NETO2: variants seen among roughly 807,000 people sequenced by gnomAD.
NETO2 encodes the protein neuropilin and tolloid-like protein 2.
Under a neutral mutation model 62.5 loss-of-function variants are expected in NETO2, and 28 were observed. The observed-to-expected ratio is 0.45, with a 90% CI of 0.33 to 0.61. The LOEUF is 0.61. Among genes scored for constraint, NETO2 ranks in the 20% least tolerant of loss-of-function variants. The probability of loss-of-function intolerance (pLI) is 0.02; values close to 1 mark genes in which losing one functional copy is unlikely to be tolerated. For synonymous variants in NETO2, 214 were observed against 219.1 expected (o/e 0.98, Z 0.21); for missense variants, 548 against 643.2 (o/e 0.85, Z 1.60).
chr16:47,120,214 CTT>C (rs904751037), intron 6 of NETO2, among the ~76,000 whole-genome samples: 2 of 151,984 alleles, frequency 1.3e-5, no homozygotes, highest in African/African-American at 4.8e-5. Context: ...TACATCAGCT[CTT>C]TTTTGACATT....
intron 7 of NETO2, among the ~76,000 whole-genome samples, chr16:47,088,894 T>C (rs1414200120): frequency 1.3e-5 from 2 of 152,226 alleles, no homozygotes; most frequent in South Asian, 2.1e-4. Context: ...ATTAGGTACC[T>C]AGATAACTCC....
chr16:47,129,120 A>ATT, intron 3 of NETO2, 104 bp downstream of exon 3: 1 of 1,021,562 alleles, frequency 9.8e-7, no homozygotes. Flanking sequence ...ATTCAAATAC[A>ATT]TGTTTAAATT....
intron 6 of NETO2, among the ~76,000 whole-genome samples, chr16:47,111,691 TGG>T (rs1380815977): frequency 6.6e-6 from 1 of 152,186 alleles, no homozygotes; most frequent in African/African-American, 2.4e-5. Context: ...TCATAGGAAG[TGG>T]GACTGGGTAG....
intron 7 of NETO2, among the ~76,000 whole-genome samples, chr16:47,094,403 T>TTTTATTTATTTA (rs201234690): frequency 4.4e-4 from 67 of 151,434 alleles, no homozygotes; most frequent in African/African-American, 6.3e-4. Context: ...GGAAGGTTTG[T>TTTTATTTATTTA]TTTATTTATT....
chr16:47,090,566 A>C (rs2143818010), intron 7 of NETO2, among the ~76,000 whole-genome samples: 1 of 152,304 alleles, frequency 6.6e-6, no homozygotes, highest in African/African-American at 2.4e-5. Context: ...TGGTGTGGAA[A>C]GGAAGGGGAG....
At chr16:47,099,831 A>G (rs937464363) in intron 7 of NETO2, among the ~76,000 whole-genome samples, 1 of 152,228 alleles carries the variant, frequency 6.6e-6, no homozygotes, top group East Asian at 1.9e-4. Flanking sequence ...AGACCTACAA[A>G]GAGACTTAAG....
chr16:47,133,539 A>G (rs1017103450), intron 1 of NETO2, among the ~76,000 whole-genome samples: 2 of 152,000 alleles, frequency 1.3e-5, no homozygotes, highest in African/African-American at 2.4e-5. Context: ...TGCCTGGGCG[A>G]AAGAGTGAGA....
rs950711284 is a variant in NETO2, at chr16:47,079,594, C to T, written c.*3627G>A. 6.6e-6 allele frequency: 1 copy of T among 152,270 alleles called. No individual in the cohort carries two copies. The highest frequency in any genetic ancestry group is 6.5e-5 in the Admixed American group (1 of 15,278). 9.4% of individuals were successfully genotyped at this position (152,270 alleles called of 1,614,324 possible). A position where few individuals can be genotyped will look rare whatever the true frequency, so the allele number is the denominator to read the frequency against. On this transcript the variant is annotated 3_prime_UTR_variant, in exon 9 of 9. Transcript: ENST00000562435. ...TGGGCGACAGAGCGAGACTCCGTCT[C>T]AAAAAAGAAAAAAACCAGAGTACTG...
intron 6 of NETO2, among the ~76,000 whole-genome samples, chr16:47,116,343 T>C (rs1427793532): frequency 1.3e-5 from 2 of 152,162 alleles, no homozygotes; most frequent in African/African-American, 2.4e-5. Flanking sequence ...CATCTGTTCC[T>C]ATGTTTCTGA....
At chr16:47,116,471 G>A (rs1176375878) in intron 6 of NETO2, among the ~76,000 whole-genome samples, 1 of 152,148 alleles carries the variant, frequency 6.6e-6, no homozygotes, top group East Asian at 1.9e-4. Context: ...GCATTCCTGA[G>A]ATAAACCACG....
intron 1 of NETO2, among the ~76,000 whole-genome samples, chr16:47,141,693 CAAT>C (rs912094278): frequency 2.0e-4 from 30 of 152,300 alleles, no homozygotes; most frequent in African/African-American, 6.0e-4. Context: ...GCAGCAACAA[CAAT>C]AATAATTCAG....
At chr16:47,107,603 T>C (rs976023642) in intron 7 of NETO2, among the ~76,000 whole-genome samples, 5 of 152,144 alleles carry the variant, frequency 3.3e-5, no homozygotes, top group Non-Finnish European at 5.9e-5. Flanking sequence ...TGGTCCAGCG[T>C]TGGGTCAGGG....
At chr16:47,130,368 G>A (rs771361692) in intron 2 of NETO2, among the ~76,000 whole-genome samples, 21 of 151,930 alleles carry the variant, frequency 1.4e-4, no homozygotes, top group Non-Finnish European at 4.4e-5. Context: ...GACAGTTAAC[G>A]ATCAGTTTTT....
chr16:47,091,666 C>T (rs976532399), intron 7 of NETO2, among the ~76,000 whole-genome samples: 2 of 152,064 alleles, frequency 1.3e-5, no homozygotes, highest in Non-Finnish European at 2.9e-5. Flanking sequence ...TTCATTGTAC[C>T]TAGACTTTGC....
chr16:47,089,673 C>T (rs1457706421), intron 7 of NETO2, among the ~76,000 whole-genome samples: 1 of 152,076 alleles, frequency 6.6e-6, no homozygotes, highest in Non-Finnish European at 1.5e-5. Flanking sequence ...ACAAACATGC[C>T]ATCATATTGA....
At chr16:47,111,221 G>A (rs1963794012) in intron 6 of NETO2, among the ~76,000 whole-genome samples, 2 of 152,188 alleles carry the variant, frequency 1.3e-5, no homozygotes, top group Admixed American at 6.5e-5. Context: ...CAATGAGAAA[G>A]TGACTAGGCT....
intron 6 of NETO2, among the ~76,000 whole-genome samples, chr16:47,113,216 A>C (rs527607505): frequency 3.3e-4 from 50 of 152,326 alleles, no homozygotes; most frequent in African/African-American, 1.1e-3. Context: ...TTCTCTTTAC[A>C]GTTGAATTCT....
intron 8 of NETO2, among the ~76,000 whole-genome samples, chr16:47,085,819 T>C (rs996931351): frequency 2.0e-5 from 3 of 151,890 alleles, no homozygotes; most frequent in African/African-American, 7.3e-5. Context: ...AAAGCAGCTA[T>C]GCTAGGCTGG....
intron 6 of NETO2, 47 bp downstream of exon 6, chr16:47,122,610 C>T: frequency 1.3e-6 from 2 of 1,587,326 alleles, no homozygotes; most frequent in South Asian, 1.2e-5. Flanking sequence ...GCAAATCATG[C>T]CTTATCATGA....
Sources: gnomAD v4.1 joint callset for allele counts (sites outside exome capture counted in the v4.1 genomes callset) on GRCh38, gnomAD v4.1.1 for gene constraint, MANE v1.5 for transcripts, NCBI Gene and HGNC (gene_info 2026-07-23, HGNC 2026-07-21) for gene names.